Variants in MED27 observed in about 807,000 individuals in gnomAD.
The protein encoded by MED27 is mediator of RNA polymerase II transcription subunit 27.
MED27 carries 30 observed loss-of-function variants against 38.2 expected under a neutral mutation model. That is an observed-to-expected ratio of 0.79 (90% CI 0.59 to 1.07). The LOEUF (loss-of-function observed/expected upper bound fraction) is 1.07, where lower values mean the gene tolerates loss of function less well. Among genes scored for constraint, MED27 ranks in the 50% least tolerant of loss-of-function variants. The pLI, the probability that MED27 is intolerant of heterozygous loss-of-function variation, is 0.00. For missense variants in MED27, 289 were observed against 397.5 expected, an observed-to-expected ratio of 0.73 and a Z score of 2.32; for synonymous variants, 122 against 153.5, an observed-to-expected ratio of 0.79 and a Z score of 1.52.
chr9:132,031,426 T>C (rs949329609), intron 2 of MED27, among the ~76,000 whole-genome samples: 6 of 152,232 alleles, frequency 3.9e-5, no homozygotes, highest in African/African-American at 9.6e-5. Flanking sequence ...TCATCTTCCA[T>C]GGCAGAGGCA....
intron 2 of MED27, among the ~76,000 whole-genome samples, chr9:132,028,482 T>C (rs776995028): frequency 5.9e-5 from 9 of 151,386 alleles, no homozygotes; most frequent in Admixed American, 2.0e-4. Context: ...GCTTGGCACA[T>C]AGCCATGGCT....
At chr9:131,969,347 T>G (rs1831424306) in intron 3 of MED27, among the ~76,000 whole-genome samples, 1 of 152,096 alleles carries the variant, frequency 6.6e-6, no homozygotes, top group Non-Finnish European at 1.5e-5. Flanking sequence ...TGGGACAGGG[T>G]GAGCCTGGAT....
At chr9:132,052,252 A>G (rs1833480163) in intron 2 of MED27, among the ~76,000 whole-genome samples, 1 of 152,250 alleles carries the variant, frequency 6.6e-6, no homozygotes. Context: ...TTTCTGCTTC[A>G]GAAGCAAAAT....
In MED27 at chr9:131,969,333, T is replaced by C. The variant is rs532353322; in HGVS notation, c.480-29859A>G. Among the ~76,000 whole-genome samples the C allele has an allele frequency of 2.0e-5, 3 of 152,240 alleles. No individual in the cohort carries two copies. The East Asian group carries it at 5.8e-4, about 29-fold the overall frequency. ...ACAGAAACCAAGATATCAGTCCTCT[T>C]TGCTGGGACAGGGTGAGCCTGGATT... is the stretch of plus-strand genomic sequence containing the variant. On this transcript the variant is annotated intron_variant, in intron 3 of 7. Coordinates refer to ENST00000292035, the MANE Select transcript of MED27 (RefSeq NM_004269.4).
chr9:131,965,557 A>C (rs2131004960), intron 3 of MED27, among the ~76,000 whole-genome samples: 1 of 152,308 alleles, frequency 6.6e-6, no homozygotes, highest in Non-Finnish European at 1.5e-5. Context: ...CTCAATAACC[A>C]CAAGGAGAGG....
At chr9:132,038,781 G>A (rs916297567) in intron 2 of MED27, among the ~76,000 whole-genome samples, 6 of 152,114 alleles carry the variant, frequency 3.9e-5, no homozygotes, top group African/African-American at 1.4e-4. Context: ...TGCCTGGAAT[G>A]GCTTTGAATC....
intron 3 of MED27, among the ~76,000 whole-genome samples, chr9:131,969,463 A>G (rs1376334726): frequency 6.6e-6 from 1 of 151,106 alleles, no homozygotes; most frequent in African/African-American, 2.5e-5. Flanking sequence ...CTCTCGTAAC[A>G]TTTTAGAAAA....
intron 3 of MED27, among the ~76,000 whole-genome samples, chr9:131,952,460 AC>A (rs1280470293): frequency 8.6e-5 from 13 of 151,656 alleles, no homozygotes; most frequent in Admixed American, 8.5e-4. Flanking sequence ...CTGTTTCTCC[AC>A]CCCCTGCCCC....
At position 131,889,635 on chromosome 9, in the gene MED27, G is replaced by C. The variant is rs1274917336; in HGVS notation, c.681+4250C>G. Among the ~76,000 whole-genome samples the C allele has an allele frequency of 6.6e-6, 1 of 152,158 alleles. No homozygotes were observed. Among genetic ancestry groups the C allele is most frequent in the Non-Finnish European group, 1.5e-5 (1 of 68,032 alleles). On this transcript the variant is annotated intron_variant, in intron 5 of 7. Transcript: ENST00000292035. The surrounding 1 kb of genome is among the most constrained non-coding windows in gnomAD (Gnocchi z 4.2). The stretch of plus-strand genomic sequence containing the variant: ...GCTAGGGTCATGGCGGTGGTTGTTA[G>C]AGCAAAGTGCAAAGTGCAAAGTGAT...
At chr9:131,923,544 A>G (rs1273440038) in intron 4 of MED27, among the ~76,000 whole-genome samples, 1 of 152,206 alleles carries the variant, frequency 6.6e-6, no homozygotes, top group East Asian at 1.9e-4. Flanking sequence ...ACATTATTCA[A>G]TTGAAATACA....
At chr9:132,038,099 C>G (rs2131114144) in intron 2 of MED27, among the ~76,000 whole-genome samples, 1 of 151,730 alleles carries the variant, frequency 6.6e-6, no homozygotes, top group Non-Finnish European at 1.5e-5. Context: ...AAAGAGAAAG[C>G]AGCTTCACCA....
chr9:131,885,319 T>C (rs1321416129), intron 5 of MED27, among the ~76,000 whole-genome samples: 2 of 152,234 alleles, frequency 1.3e-5, no homozygotes, highest in East Asian at 1.9e-4. Context: ...GATGGCCTCA[T>C]CTGGTGGTGC....
chr9:131,978,535 T>C (rs1564309432), intron 3 of MED27, among the ~76,000 whole-genome samples: 2 of 152,208 alleles, frequency 1.3e-5, no homozygotes, highest in Admixed American at 6.5e-5. Context: ...AGGTCCATAG[T>C]GAAATGCTTA....
At chr9:131,904,067 T>G (rs1830004867) in intron 4 of MED27, among the ~76,000 whole-genome samples, 1 of 152,052 alleles carries the variant, frequency 6.6e-6, no homozygotes, top group South Asian at 2.1e-4. Context: ...GCCTGGCTAA[T>G]TTTTGTATTT....
intron 3 of MED27, among the ~76,000 whole-genome samples, chr9:131,966,006 C>T (rs532059218): frequency 2.1e-4 from 31 of 150,194 alleles, no homozygotes; most frequent in South Asian, 4.3e-4. Flanking sequence ...CTTTAGTGCT[C>T]GCAACCATGC....
At chr9:132,059,135 C>T (rs1833645653) in intron 2 of MED27, among the ~76,000 whole-genome samples, 1 of 152,190 alleles carries the variant, frequency 6.6e-6, no homozygotes, top group African/African-American at 2.4e-5. Flanking sequence ...TGAAATTTAA[C>T]TCACATGCAA....
chr9:131,991,450 C>A (rs942416976), intron 3 of MED27, among the ~76,000 whole-genome samples: 3 of 152,180 alleles, frequency 2.0e-5, no homozygotes, highest in African/African-American at 7.2e-5. Flanking sequence ...CCACACCCTA[C>A]AAAGATGTGA....
chr9:132,037,172 A>AT (rs1833096793), intron 2 of MED27, among the ~76,000 whole-genome samples: 1 of 152,190 alleles, frequency 6.6e-6, no homozygotes, highest in Non-Finnish European at 1.5e-5. Flanking sequence ...GCCACACACA[A>AT]TCACGCTCAC....
intron 2 of MED27, among the ~76,000 whole-genome samples, chr9:132,062,380 A>T (rs1177932363): frequency 2.0e-5 from 3 of 152,110 alleles, no homozygotes; most frequent in Non-Finnish European, 4.4e-5. Context: ...GTTAGAAAAG[A>T]CTCTCAAGTA....
Sources: gnomAD v4.1 joint callset for allele counts (sites outside exome capture counted in the v4.1 genomes callset) on GRCh38, gnomAD v4.1.1 for gene constraint, Gnocchi (gnomAD v3.1) non-coding constraint, MANE v1.5 for transcripts, NCBI Gene and HGNC (gene_info 2026-07-23, HGNC 2026-07-21) for gene names.